SAP30L: variants seen among roughly 807,000 people sequenced by gnomAD.
SAP30L encodes SAP30 like.
In SAP30L, 10 loss-of-function variants were observed where a neutral mutation model predicts 22.3. That is an observed-to-expected ratio of 0.45 (90% CI 0.28 to 0.76). The LOEUF (loss-of-function observed/expected upper bound fraction) is 0.76, where lower values mean the gene tolerates loss of function less well. Ranked by LOEUF, SAP30L falls within the 30% of genes least tolerant of loss-of-function variation. The pLI is 0.14. For synonymous variants in SAP30L, 91 were observed against 94.1 expected, an observed-to-expected ratio of 0.97 and a Z score of 0.19; for missense variants, 206 against 237.9, an observed-to-expected ratio of 0.87 and a Z score of 0.88.
chr5:154,449,837 A>G (rs1048951843), intron 1 of SAP30L, among the ~76,000 whole-genome samples: 1 of 152,244 alleles, frequency 6.6e-6, no homozygotes, highest in Non-Finnish European at 1.5e-5. Context: ...GAGACTTCCT[A>G]TATTGGTACA....
At chr5:154,451,397 G>T (rs1165796461) in intron 2 of SAP30L, 184 bp downstream of exon 2, 2 of 650,070 alleles carry the variant, frequency 3.1e-6, no homozygotes, top group East Asian at 5.7e-5. Context: ...ACACCCACTG[G>T]TCAGACTGCC....
In SAP30L at chr5:154,446,320, G is replaced by T; in HGVS notation, c.-285G>T. On this transcript the variant is annotated 5_prime_UTR_variant, in exon 1 of 4. Transcript: ENST00000297109. ...ACCCCCGCTGCAGGGTTACGGTTCT[G>T]GGCCCCCGGCAGAAGGCTCCTCCGG... 2.9e-6 allele frequency: 1 copy of T among 342,138 alleles called. No individual in the cohort carries two copies. Among genetic ancestry groups the T allele is most frequent in the Admixed American group, 4.9e-5 (1 of 20,434 alleles). The allele number at this position is 342,138 out of a possible 1,614,324, so 21.2% of individuals were successfully genotyped here.
intron 2 of SAP30L, 95 bp downstream of exon 2, chr5:154,451,308 AT>A: frequency 1.5e-6 from 2 of 1,316,244 alleles, no homozygotes; most frequent in Non-Finnish European, 2.1e-6. Context: ...TTAAGAAGTA[AT>A]TTTAGTCCTT....
intron 3 of SAP30L, among the ~76,000 whole-genome samples, chr5:154,453,776 C>T (rs2113278132): frequency 2.0e-5 from 3 of 152,328 alleles, no homozygotes; most frequent in Admixed American, 2.0e-4. Flanking sequence ...TCTCATGACT[C>T]CAGATTCTAA....
intron 3 of SAP30L, among the ~76,000 whole-genome samples, chr5:154,455,384 T>G (rs1283777731): frequency 2.0e-5 from 3 of 152,122 alleles, no homozygotes; most frequent in African/African-American, 7.2e-5. Context: ...CTGGCTAATT[T>G]TTTGGTAGAG....
At position 154,446,011 on chromosome 5, in the gene SAP30L, T is replaced by TCGGCGGG. The variant is rs1756984173; in HGVS notation, c.-587_-581dup. 2 of 153,170 alleles carry TCGGCGGG rather than the reference T, an allele frequency of 1.3e-5. No individual in the cohort carries two copies. The highest frequency in any genetic ancestry group is 2.1e-4 in the South Asian group (1 of 4,852). 9.5% of individuals were successfully genotyped at this position (153,170 alleles called of 1,614,324 possible). A position where few individuals can be genotyped will look rare whatever the true frequency, so the allele number is the denominator to read the frequency against. ...AGCGAACTGTTGTGGTGCGGAGCGTTCGGCGGGCGGCGGCCGGGCGGCCCA... is the reference window on the plus strand; with the variant it reads ...AGCGAACTGTTGTGGTGCGGAGCGTTCGGCGGGCGGCGGGCGGCGGCCGGGCGGCCCA... On this transcript the variant is annotated 5_prime_UTR_variant, in exon 1 of 4. Transcript: ENST00000297109.
Position 154,457,198 on chromosome 5 carries a change from G to A in SAP30L, c.*1170G>A, listed in dbSNP as rs796503132. 9 of 152,272 alleles carry A rather than the reference G, an allele frequency of 5.9e-5. 1 individual carries two copies. Among genetic ancestry groups the A allele is most frequent in the East Asian group, 1.9e-4 (1 of 5,186 alleles). 9.4% of individuals were successfully genotyped at this position (152,272 alleles called of 1,614,324 possible). A position where few individuals can be genotyped will look rare whatever the true frequency, so the allele number is the denominator to read the frequency against. On this transcript the variant is annotated 3_prime_UTR_variant, in exon 4 of 4. Transcript: ENST00000297109. ...ACCTAATTTTTTTGTTGTTCAAAAC[G>A]TTGAACTCCTCAATCTAATTATATC...
chr5:154,455,857 T>A (rs1757251921), intron 3 of SAP30L, 43 bp from the exon 4 acceptor site: 2 of 1,570,268 alleles, frequency 1.3e-6, no homozygotes, highest in Non-Finnish European at 1.7e-6. Flanking sequence ...GCGGTGTGAT[T>A]TGTGCATGGT....
chr5:154,455,207 C>G lies in SAP30L; in HGVS notation c.424-693C>G, dbSNP rs547543831. 2.4e-3 allele frequency among the ~76,000 whole-genome samples: 372 copies of G among 152,256 alleles called. 1 individual carries two copies. Among genetic ancestry groups the G allele is most frequent in the African/African-American group, 8.8e-3 (367 of 41,538 alleles). On this transcript the variant is annotated intron_variant, in intron 3 of 3. Transcript: ENST00000297109. ...TGCTAGGATTACAGGTGTGAGCCAC[C>G]ATCCCCAGCCTAACCCAATTTTTAT...
intron 2 of SAP30L, among the ~76,000 whole-genome samples, chr5:154,452,771 C>T (rs996370880): frequency 6.6e-5 from 10 of 152,194 alleles, no homozygotes; most frequent in South Asian, 2.1e-4. Context: ...TCTATCCGGT[C>T]GCTGCCTCGT....
Position 154,458,545 on chromosome 5 carries a change from G to A in SAP30L, c.*2517G>A, listed in dbSNP as rs1385008451. ...GCTCCATTTTTATACCATCCATCAA[G>A]GACTCTTGCGCTTCTCTCCACCTGT... On this transcript the variant is annotated 3_prime_UTR_variant, in exon 4 of 4. Coordinates refer to ENST00000297109, the MANE Select transcript of SAP30L (RefSeq NM_024632.6). The A allele has an allele frequency of 2.6e-5, 4 of 152,088 alleles. No homozygotes were observed. Among genetic ancestry groups the A allele is most frequent in the African/African-American group, 4.8e-5 (2 of 41,380 alleles). 9.4% of individuals were successfully genotyped at this position (152,088 alleles called of 1,614,324 possible).
chr5:154,453,177 TC>T, intron 2 of SAP30L: 1 of 460,728 alleles, frequency 2.2e-6, no homozygotes, highest in South Asian at 3.6e-5. Context: ...CTTTACCTTT[TC>T]CACCAGTTTT....
rs1259173340 is a variant in SAP30L, at chr5:154,457,105, T to G, written c.*1077T>G. On this transcript the variant is annotated 3_prime_UTR_variant, in exon 4 of 4. Transcript: ENST00000297109. ...GGCAACAAAGGTCAATTCCATCTGATGCTCATTTTTGTGAACAATTTGCCT... is the reference window on the plus strand; with the variant it reads ...GGCAACAAAGGTCAATTCCATCTGAGGCTCATTTTTGTGAACAATTTGCCT... 3 of 152,358 alleles carry G rather than the reference T, an allele frequency of 2.0e-5. No individual in the cohort carries two copies. The highest frequency in any genetic ancestry group is 2.0e-4 in the Admixed American group (3 of 15,304). 9.4% of individuals were successfully genotyped at this position (152,358 alleles called of 1,614,324 possible).
In SAP30L at chr5:154,454,631, T is replaced by C. The variant is rs112865381; in HGVS notation, c.423+1131T>C. Among the ~76,000 whole-genome samples the C allele has an allele frequency of 5.5e-3, 843 of 152,294 alleles. 8 individuals carry two copies. Among genetic ancestry groups the C allele is most frequent in the African/African-American group, 0.019 (788 of 41,566 alleles). On this transcript the variant is annotated intron_variant, in intron 3 of 3. Transcript: ENST00000297109. ...CGACCGTCACTTTTTCTTAAACAAC[T>C]CCTTCACCAGTGTCCAGATGACACA... is the stretch of plus-strand genomic sequence containing the variant.
intron 3 of SAP30L, among the ~76,000 whole-genome samples, chr5:154,455,079 G>A (rs1432398804): frequency 4.6e-5 from 7 of 151,954 alleles, no homozygotes; most frequent in Non-Finnish European, 7.4e-5. Flanking sequence ...CACCACACCC[G>A]GCTAATCTTT....
In SAP30L at chr5:154,457,312, G is replaced by A. The variant is rs561654674; in HGVS notation, c.*1284G>A. 2 of 152,364 alleles carry A rather than the reference G, an allele frequency of 1.3e-5. No individual in the cohort carries two copies. Among genetic ancestry groups the A allele is most frequent in the South Asian group, 2.1e-4 (1 of 4,822 alleles). The allele number at this position is 152,364 out of a possible 1,614,324, so 9.4% of individuals were successfully genotyped here. On this transcript the variant is annotated 3_prime_UTR_variant, in exon 4 of 4. Transcript: ENST00000297109. ...TAATCTGTGTAATGGAGGGCAGAGG[G>A]TATGGGGTAGGAGGGTGGGAGAAAG...
chr5:154,446,837 G>A (rs1757024730), intron 1 of SAP30L, 32 bp downstream of exon 1: 11 of 1,564,590 alleles, frequency 7.0e-6, no homozygotes, highest in Non-Finnish European at 9.6e-6. Context: ...TCTGGGCCCC[G>A]GCGCCCCCAG....
chr5:154,456,032 T>C lies in SAP30L; in HGVS notation c.*4T>C. On this transcript the variant is annotated 3_prime_UTR_variant, in exon 4 of 4. Transcript: ENST00000297109. ...GGGTGGCAAGCAGCTTGAGTGAGGATGAAGCACATCTTAAAGGAATGAAGT... is the reference window on the plus strand; with the variant it reads ...GGGTGGCAAGCAGCTTGAGTGAGGACGAAGCACATCTTAAAGGAATGAAGT... 6.2e-7 allele frequency: 1 copy of C among 1,613,368 alleles called. No homozygotes were observed. Among genetic ancestry groups the C allele is most frequent in the Non-Finnish European group, 8.5e-7 (1 of 1,179,702 alleles).
Position 154,451,096 on chromosome 5 carries a change from G to A in SAP30L, c.207G>A (p.Arg69=), listed in dbSNP as rs1228184199. ...TTGATTTTTGTCTCCATCAGGTAAG[G>A]CACCTATATATCTGTGATTTTCACA... ...KLKLDIDKSV[R]HLYICDFHKN... The change falls in exon 2 of 4, where the codon AGG becomes AGA. Residue 69 remains arginine (R), a synonymous_variant. Transcript: ENST00000297109. 3 of 1,613,852 alleles carry A rather than the reference G, an allele frequency of 1.9e-6. No homozygotes were observed. Among genetic ancestry groups the A allele is most frequent in the Non-Finnish European group, 2.5e-6 (3 of 1,179,962 alleles).
Sources: gnomAD v4.1 joint callset for allele counts (sites outside exome capture counted in the v4.1 genomes callset) on GRCh38, gnomAD v4.1.1 for gene constraint, MANE v1.5 for transcripts, NCBI Gene and HGNC (gene_info 2026-07-23, HGNC 2026-07-21) for gene names.